MLIP: variants seen among roughly 807,000 people sequenced by gnomAD.
MLIP encodes muscular LMNA-interacting protein.
Under a neutral mutation model 84.8 loss-of-function variants are expected in MLIP, and 79 were observed. That is an observed-to-expected ratio of 0.93 (90% CI 0.78 to 1.12). The LOEUF is 1.12. Among genes scored for constraint, MLIP ranks in the 50% most tolerant of loss-of-function variants. The pLI is 0.00. For synonymous variants in MLIP, 504 were observed against 463.0 expected, an observed-to-expected ratio of 1.09 and a Z score of -1.14; for missense variants, 1,257 against 1,160.6, an observed-to-expected ratio of 1.08 and a Z score of -1.21.
intron 9 of MLIP, among the ~76,000 whole-genome samples, chr6:54,174,281 G>A (rs768653260): frequency 5.9e-5 from 9 of 151,910 alleles, no homozygotes; most frequent in Admixed American, 6.6e-5. Context: ...ATCATACATG[G>A]TAGCTCTTTC....
At chr6:54,159,420 G>C (rs1414252043) in intron 5 of MLIP, among the ~76,000 whole-genome samples, 1 of 152,024 alleles carries the variant, frequency 6.6e-6, no homozygotes, top group East Asian at 1.9e-4. Context: ...TGGACCAACT[G>C]TTTTACAGAT....
chr6:54,098,330 C>CTTTTT (rs11418224), intron 1 of MLIP, among the ~76,000 whole-genome samples: 2 of 116,280 alleles, frequency 1.7e-5, no homozygotes, highest in Non-Finnish European at 3.3e-5. Context: ...TTTTTAATTT[C>CTTTTT]TTTTTTTTTT....
intron 3 of MLIP, among the ~76,000 whole-genome samples, chr6:54,128,550 G>A (rs1232856099): frequency 6.6e-6 from 1 of 152,100 alleles, no homozygotes; most frequent in Non-Finnish European, 1.5e-5. Flanking sequence ...AAATAAAGTA[G>A]GACCCCTGAG....
At chr6:54,083,497 A>T (rs1767293577) in intron 1 of MLIP, 3 of 1,534,914 alleles carry the variant, frequency 2.0e-6, no homozygotes, top group Non-Finnish European at 2.6e-6. Flanking sequence ...AGTGTTTGTC[A>T]ATGAGTTCTA....
At chr6:54,177,317 G>T (rs1435961455) in intron 9 of MLIP, among the ~76,000 whole-genome samples, 3 of 151,890 alleles carry the variant, frequency 2.0e-5, no homozygotes, top group African/African-American at 7.3e-5. Context: ...CTAATATCCA[G>T]AATCTACAAG....
At chr6:54,127,959 C>T (rs374528921) in intron 3 of MLIP, among the ~76,000 whole-genome samples, 9 of 152,172 alleles carry the variant, frequency 5.9e-5, no homozygotes, top group African/African-American at 2.2e-4. Flanking sequence ...AATACACATA[C>T]AACACAGTGA....
intron 1 of MLIP, among the ~76,000 whole-genome samples, chr6:54,095,844 C>G (rs1561925994): frequency 6.6e-6 from 1 of 152,104 alleles, no homozygotes; most frequent in African/African-American, 2.4e-5. Context: ...TTCATGGTCT[C>G]AAGATGAATT....
At chr6:54,052,320 C>G (rs140916904) in intron 1 of MLIP, among the ~76,000 whole-genome samples, 47 of 152,234 alleles carry the variant, frequency 3.1e-4, no homozygotes, top group African/African-American at 1.0e-3. Flanking sequence ...ACATTAAACT[C>G]CTATGAAAAT....
intron 12 of MLIP, among the ~76,000 whole-genome samples, chr6:54,248,303 T>A (rs1475481267): frequency 1.3e-5 from 2 of 152,190 alleles, no homozygotes; most frequent in Non-Finnish European, 2.9e-5. Flanking sequence ...TACTAAGTAA[T>A]GAAGTGTTCT....
chr6:54,228,710 C>G (rs1297122265), intron 11 of MLIP, among the ~76,000 whole-genome samples: 1 of 152,172 alleles, frequency 6.6e-6, no homozygotes, highest in Non-Finnish European at 1.5e-5. Context: ...CATGGGCTTT[C>G]CCCCTGACAA....
chr6:54,199,944 G>T (rs1778556823), intron 10 of MLIP, among the ~76,000 whole-genome samples: 1 of 152,112 alleles, frequency 6.6e-6, no homozygotes, highest in Non-Finnish European at 1.5e-5. Flanking sequence ...CAAAGTCCAA[G>T]AAAAGAACGT....
intron 3 of MLIP, among the ~76,000 whole-genome samples, chr6:54,133,879 T>C (rs1424459488): frequency 1.3e-5 from 2 of 152,036 alleles, no homozygotes; most frequent in Non-Finnish European, 2.9e-5. Context: ...AGAGAGTGTA[T>C]GGCAAGGGGG....
At chr6:54,254,827 A>G (rs1290971980) in intron 12 of MLIP, among the ~76,000 whole-genome samples, 1 of 128,282 alleles carries the variant, frequency 7.8e-6, no homozygotes, top group African/African-American at 3.0e-5. Context: ...CTCATGCATT[A>G]TTTAAATATC....
At position 54,124,819 on chromosome 6, in the gene MLIP, A is replaced by G. The variant is rs957234679; in HGVS notation, c.599A>G (p.His200Arg). The change falls in exon 3 of 14, where the codon CAT (histidine) becomes CGT (arginine). Residue 200 changes from histidine (H) to arginine (R), a missense_variant. By Grantham distance (29) the His-to-Arg change is conservative. Coordinates refer to ENST00000502396, the MANE Select transcript of MLIP (RefSeq NM_001281747.2). ...TQGTDLKTSS[H>R]PEMLHGMAPQ... ...GGGACTGATCTCAAGACCTCATCAC[A>G]TCCTGAAATGCTTCATGGGATGGCC... 4 of 1,610,756 alleles carry G rather than the reference A, an allele frequency of 2.5e-6. No homozygotes were observed. The African/African-American group carries it at 4.0e-5, about 16-fold the overall frequency.
At chr6:54,218,912 T>A (rs1238828042) in intron 11 of MLIP, among the ~76,000 whole-genome samples, 4 of 151,622 alleles carry the variant, frequency 2.6e-5, no homozygotes, top group Non-Finnish European at 5.9e-5. Flanking sequence ...ATAAACAAAA[T>A]GCAAACACAG....
intron 12 of MLIP, among the ~76,000 whole-genome samples, chr6:54,250,468 A>C (rs1205011927): frequency 6.6e-6 from 1 of 152,146 alleles, no homozygotes; most frequent in Admixed American, 6.6e-5. Flanking sequence ...CCAAATGCCC[A>C]TCAATGATAG....
chr6:54,247,603 A>C (rs979029634), intron 12 of MLIP, among the ~76,000 whole-genome samples: 1 of 152,178 alleles, frequency 6.6e-6, no homozygotes, highest in Non-Finnish European at 1.5e-5. Context: ...AGCTTACACA[A>C]CTTTGAAGTG....
intron 11 of MLIP, among the ~76,000 whole-genome samples, chr6:54,227,749 G>C (rs1239014147): frequency 6.6e-6 from 1 of 152,100 alleles, no homozygotes; most frequent in Non-Finnish European, 1.5e-5. Flanking sequence ...ACAATCAAAC[G>C]TAAGAGTAGA....
chr6:54,188,231 C>T (rs2150666254), intron 9 of MLIP, among the ~76,000 whole-genome samples: 1 of 152,262 alleles, frequency 6.6e-6, no homozygotes, highest in African/African-American at 2.4e-5. Flanking sequence ...TATTACTGTA[C>T]ACTACTGTAG....
Sources: gnomAD v4.1 joint callset for allele counts (sites outside exome capture counted in the v4.1 genomes callset) on GRCh38, gnomAD v4.1.1 for gene constraint, MANE v1.5 for transcripts, NCBI Gene and HGNC (gene_info 2026-07-23, HGNC 2026-07-21) for gene names.